Variants in MYO5B observed in about 807,000 individuals in gnomAD.
MYO5B encodes myosin VB.
Under a neutral mutation model 229.3 loss-of-function variants are expected in MYO5B, and 143 were observed. The ratio of observed to expected loss-of-function variants is 0.62; its 90% CI spans 0.54 to 0.72. The LOEUF (loss-of-function observed/expected upper bound fraction) is 0.72, where lower values mean the gene tolerates loss of function less well. MYO5B is among the 30% of genes least tolerant of loss of function. The pLI is 0.00. For missense variants in MYO5B, 2,321 were observed against 2,331.0 expected, an observed-to-expected ratio of 1.00 and a Z score of 0.09; for synonymous variants, 918 against 885.2, an observed-to-expected ratio of 1.04 and a Z score of -0.66.
At chr18:49,908,648 C>T (rs752064056) in intron 18 of MYO5B, among the ~76,000 whole-genome samples, 1 of 152,196 alleles carries the variant, frequency 6.6e-6, no homozygotes, top group Non-Finnish European at 1.5e-5. Flanking sequence ...TTAATACACT[C>T]CTTCGCCACT....
chr18:50,002,966 A>G (rs767632723), intron 4 of MYO5B, among the ~76,000 whole-genome samples: 2 of 152,182 alleles, frequency 1.3e-5, no homozygotes, highest in Non-Finnish European at 2.9e-5. Flanking sequence ...GCCATAGCTT[A>G]TCAGCACAGG....
chr18:50,162,335 T>C (rs1433714989), intron 1 of MYO5B, among the ~76,000 whole-genome samples: 1 of 152,068 alleles, frequency 6.6e-6, no homozygotes. Flanking sequence ...CTAGCATATT[T>C]TCAAAACATC....
chr18:49,975,137 T>C (rs2025736271), intron 9 of MYO5B, among the ~76,000 whole-genome samples: 1 of 152,238 alleles, frequency 6.6e-6, no homozygotes, highest in Non-Finnish European at 1.5e-5. Flanking sequence ...AGCAATTCTC[T>C]TCCTCTCTCT....
intron 1 of MYO5B, among the ~76,000 whole-genome samples, chr18:50,136,871 A>C (rs184367718): frequency 3.3e-5 from 5 of 152,348 alleles, no homozygotes; most frequent in Admixed American, 6.5e-5. Flanking sequence ...AGCCCCACAA[A>C]GCATTCCCTA....
At chr18:49,853,727 G>A in intron 30 of MYO5B, 80 bp from the exon 31 acceptor site, 1 of 1,346,042 alleles carries the variant, frequency 7.4e-7, no homozygotes, top group Non-Finnish European at 1.0e-6. Flanking sequence ...AAACATAACA[G>A]GGGAGCAGCC....
At chr18:49,838,017 A>T (rs1409169444) in intron 36 of MYO5B, among the ~76,000 whole-genome samples, 1 of 152,210 alleles carries the variant, frequency 6.6e-6, no homozygotes, top group Non-Finnish European at 1.5e-5. Flanking sequence ...TTTTCATTTA[A>T]TTTACTGGCA....
rs16951294 is a variant in MYO5B, at chr18:49,950,617, C to T, written c.1752+2643G>A. On this transcript the variant is annotated intron_variant, in intron 14 of 39. Transcript: ENST00000285039. ...TGAAAAATTAAATTACAGAGGACTA[C>T]GTGTCTATAATGTACTTATTTTAAT... Among the ~76,000 whole-genome samples, 779 of 152,188 alleles carry T rather than the reference C, an allele frequency of 5.1e-3. 8 individuals carry two copies. The highest frequency in any genetic ancestry group is 0.018 in the African/African-American group (728 of 41,506).
intron 5 of MYO5B, among the ~76,000 whole-genome samples, chr18:49,995,628 G>A (rs2025979720): frequency 6.6e-6 from 1 of 152,134 alleles, no homozygotes; most frequent in Non-Finnish European, 1.5e-5. Context: ...AGTAAATAAA[G>A]CCTTAAACAT....
chr18:49,970,790 G>A (rs2025683063), intron 10 of MYO5B: 1 of 152,220 alleles, frequency 6.6e-6, no homozygotes, highest in Admixed American at 6.5e-5. Context: ...GTGGGGTCAA[G>A]GGGAAGAAGC....
intron 22 of MYO5B, among the ~76,000 whole-genome samples, chr18:49,888,529 G>T (rs1165530790): frequency 1.3e-5 from 2 of 152,184 alleles, no homozygotes; most frequent in Non-Finnish European, 2.9e-5. Context: ...ACGGGTTTGG[G>T]AATGTGAAGA....
chr18:50,054,847 T>C (rs547531607), intron 2 of MYO5B, among the ~76,000 whole-genome samples: 110 of 152,218 alleles, frequency 7.2e-4, no homozygotes, highest in African/African-American at 2.5e-3. Flanking sequence ...CACAGAAAGA[T>C]TGTGAACTGA....
chr18:49,912,839 C>T lies in MYO5B; in HGVS notation c.2091-666G>A, dbSNP rs188806315. 4.4e-3 allele frequency among the ~76,000 whole-genome samples: 669 copies of T among 152,366 alleles called. 3 individuals are homozygous for T. Among genetic ancestry groups the T allele is most frequent in the Non-Finnish European group, 7.0e-3 (473 of 68,036 alleles). ...TATTGCCCAAGCATGCAGTGCTCCACTCCTCAGAAGCAGGAGCCTTACCTA... is the reference window on the plus strand; with the variant it reads ...TATTGCCCAAGCATGCAGTGCTCCATTCCTCAGAAGCAGGAGCCTTACCTA... On this transcript the variant is annotated intron_variant, in intron 17 of 39. Coordinates refer to ENST00000285039, the MANE Select transcript of MYO5B (RefSeq NM_001080467.3).
At chr18:50,142,721 C>A (rs1310795604) in intron 1 of MYO5B, among the ~76,000 whole-genome samples, 1 of 152,166 alleles carries the variant, frequency 6.6e-6, no homozygotes, top group Non-Finnish European at 1.5e-5. Flanking sequence ...CCTCAAAAGA[C>A]CATTACAGCC....
chr18:49,876,523 A>C (rs114484831), intron 25 of MYO5B, among the ~76,000 whole-genome samples: 291 of 152,344 alleles, frequency 1.9e-3, no homozygotes, highest in African/African-American at 6.9e-3. Flanking sequence ...TGGTTCCACC[A>C]GGATTTAATA....
chr18:49,958,941 C>T (rs979215776), intron 12 of MYO5B, among the ~76,000 whole-genome samples: 1 of 152,170 alleles, frequency 6.6e-6, no homozygotes, highest in Non-Finnish European at 1.5e-5. Flanking sequence ...ATCTGAACCC[C>T]TCTCCCCTGC....
chr18:49,925,858 T>C (rs1294377874), intron 17 of MYO5B, among the ~76,000 whole-genome samples: 1 of 152,216 alleles, frequency 6.6e-6, no homozygotes, highest in East Asian at 1.9e-4. Context: ...AGACTAGTGG[T>C]TTGAACTCAA....
chr18:49,938,861 C>G (rs910687296), intron 14 of MYO5B, among the ~76,000 whole-genome samples: 1 of 152,004 alleles, frequency 6.6e-6, no homozygotes, highest in Non-Finnish European at 1.5e-5. Flanking sequence ...AGGTTGAGCC[C>G]TGCCCCTCCC....
At chr18:49,944,736 G>C (rs1203761224) in intron 14 of MYO5B, among the ~76,000 whole-genome samples, 1 of 152,038 alleles carries the variant, frequency 6.6e-6, no homozygotes, top group Non-Finnish European at 1.5e-5. Context: ...TATCCACCAA[G>C]CATACAGCTA....
chr18:50,194,245 A>T (rs1168613718), intron 1 of MYO5B, among the ~76,000 whole-genome samples: 2 of 151,614 alleles, frequency 1.3e-5, no homozygotes, highest in South Asian at 4.2e-4. Flanking sequence ...CAGAACCCCC[A>T]CCTCTCCCAA....
Sources: allele counts gnomAD v4.1 joint callset (sites outside exome capture counted in the v4.1 genomes callset), GRCh38; gene constraint gnomAD v4.1.1; transcripts MANE v1.5; gene names NCBI Gene and HGNC (gene_info 2026-07-23, HGNC 2026-07-21).